Variants in PDE4D observed in about 807,000 individuals in gnomAD.
PDE4D encodes 3',5'-cyclic-AMP phosphodiesterase 4D.
A neutral mutation model predicts 87.4 loss-of-function variants in PDE4D; 24 were observed. The observed-to-expected ratio is 0.27, with a 90% confidence interval of 0.20 to 0.39. PDE4D has a LOEUF of 0.39. Among genes scored for constraint, PDE4D ranks in the 10% least tolerant of loss-of-function variants. The pLI is 1.00. For synonymous variants in PDE4D, 384 were observed against 383.2 expected (o/e 1.00, Z -0.02); for missense variants, 714 against 1,041.0 (o/e 0.69, Z 4.32).
chr5:60,242,292 A>T (rs1057263087), intron 1 of PDE4D, among the ~76,000 whole-genome samples: 1 of 152,180 alleles, frequency 6.6e-6, no homozygotes, highest in South Asian at 2.1e-4. Flanking sequence ...AATTATAAAT[A>T]GGTGTAACCA....
chr5:59,990,546 A>C (rs1366540898), intron 2 of PDE4D, among the ~76,000 whole-genome samples: 7 of 152,256 alleles, frequency 4.6e-5, no homozygotes, highest in African/African-American at 1.7e-4. Context: ...AACAAACAAA[A>C]AAAAAGAGGT....
intron 1 of PDE4D, among the ~76,000 whole-genome samples, chr5:59,755,691 AT>A (rs1761117082): frequency 1.3e-5 from 2 of 152,160 alleles, no homozygotes. Flanking sequence ...CATAAAAAAA[AT>A]CACACTGCAC....
At chr5:60,344,351 AGTTT>A (rs1758561942) in intron 1 of PDE4D, among the ~76,000 whole-genome samples, 5 of 151,976 alleles carry the variant, frequency 3.3e-5, no homozygotes, top group Admixed American at 3.3e-4. Context: ...TCTATTCGTT[AGTTT>A]TGGTTCTTGA....
intron 1 of PDE4D, chr5:59,430,503 T>C (rs940729685): frequency 3.2e-5 from 34 of 1,078,074 alleles, no homozygotes; most frequent in East Asian, 6.5e-5. Context: ...TGTCAGATAA[T>C]AGATTTCAGA....
rs1178414436 is a variant in PDE4D at position 59,087,507 on chromosome 5, G to GA, written c.809-48537dup. On this transcript the variant is annotated intron_variant, in intron 5 of 14. Transcript: ENST00000340635. ...TCAATAAATAAATAAGACCACAAAG[G>GA]AAAAAAATTCTTACAGAGAATTATT... is the stretch of plus-strand genomic sequence containing the variant. Among the ~76,000 whole-genome samples the GA allele has an allele frequency of 2.0e-5, 3 of 151,622 alleles. No individual in the cohort carries two copies. The East Asian group carries it at 5.8e-4, about 29-fold the overall frequency.
At chr5:59,809,549 A>G (rs1279909255) in intron 1 of PDE4D, among the ~76,000 whole-genome samples, 1 of 152,138 alleles carries the variant, frequency 6.6e-6, no homozygotes, top group African/African-American at 2.4e-5. Context: ...TATTTTCTCA[A>G]TTTCAGCAAA....
intron 1 of PDE4D, among the ~76,000 whole-genome samples, chr5:60,477,726 T>C (rs1394608661): frequency 1.3e-5 from 2 of 152,200 alleles, no homozygotes; most frequent in African/African-American, 4.8e-5. Context: ...TGCATGTGTG[T>C]TGCCAACTAC....
intron 1 of PDE4D, chr5:60,372,653 C>G (rs1168647213): frequency 6.6e-6 from 1 of 152,192 alleles, no homozygotes; most frequent in African/African-American, 2.4e-5. Context: ...TCTCTAAAAC[C>G]TGTAATCACT....
At chr5:59,211,262 T>C (rs867290869) in intron 2 of PDE4D, among the ~76,000 whole-genome samples, 2 of 152,222 alleles carry the variant, frequency 1.3e-5, no homozygotes, top group African/African-American at 4.8e-5. Context: ...CTGCATCATC[T>C]ATATTTAACA....
chr5:60,159,065 T>C (rs995310117), intron 2 of PDE4D, among the ~76,000 whole-genome samples: 2 of 152,234 alleles, frequency 1.3e-5, no homozygotes, highest in Non-Finnish European at 2.9e-5. Context: ...CTGTAAGTTT[T>C]TTCTAGCTTT....
At chr5:60,496,407 C>CT (rs1749816556) in intron 1 of PDE4D, among the ~76,000 whole-genome samples, 1 of 152,138 alleles carries the variant, frequency 6.6e-6, no homozygotes, top group African/African-American at 2.4e-5. Context: ...AAAACAATGA[C>CT]TCAATATGGT....
intron 1 of PDE4D, among the ~76,000 whole-genome samples, chr5:59,652,839 G>GA (rs1450206457): frequency 6.6e-6 from 1 of 151,494 alleles, no homozygotes; most frequent in East Asian, 1.9e-4. Flanking sequence ...GAAACTGTCA[G>GA]AAATATAAAT....
At chr5:59,681,371 T>G (rs1472079328) in intron 1 of PDE4D, among the ~76,000 whole-genome samples, 2 of 152,114 alleles carry the variant, frequency 1.3e-5, no homozygotes, top group Non-Finnish European at 2.9e-5. Flanking sequence ...AGAAACATTT[T>G]TATGCATAAT....
intron 1 of PDE4D, among the ~76,000 whole-genome samples, chr5:60,461,320 G>C (rs1583839929): frequency 6.6e-6 from 1 of 152,066 alleles, no homozygotes; most frequent in Non-Finnish European, 1.5e-5. Flanking sequence ...TTATACTCTT[G>C]GTGAAATTTA....
intron 1 of PDE4D, among the ~76,000 whole-genome samples, chr5:59,261,189 G>C (rs1373200120): frequency 3.3e-5 from 5 of 151,770 alleles, no homozygotes. Context: ...TTAAGGGCAG[G>C]CCTTTTAACT....
chr5:60,497,394 T>G (rs1037059301), intron 1 of PDE4D, among the ~76,000 whole-genome samples: 1 of 150,984 alleles, frequency 6.6e-6, no homozygotes, highest in East Asian at 1.9e-4. Flanking sequence ...TTTGTCTTTC[T>G]TTTTTTTTGT....
At chr5:60,264,402 C>A (rs528186650) in intron 1 of PDE4D, among the ~76,000 whole-genome samples, 2 of 152,298 alleles carry the variant, frequency 1.3e-5, no homozygotes, top group South Asian at 4.2e-4. Context: ...TAGCTATAGC[C>A]AAAACAATCA....
At chr5:59,542,282 C>T (rs986137669) in intron 1 of PDE4D, among the ~76,000 whole-genome samples, 17 of 152,118 alleles carry the variant, frequency 1.1e-4, no homozygotes, top group African/African-American at 4.1e-4. Flanking sequence ...ATCTTAAGTT[C>T]ATTTTCAGGG....
chr5:60,292,779 A>G (rs1231525164), intron 1 of PDE4D, among the ~76,000 whole-genome samples: 1 of 152,216 alleles, frequency 6.6e-6, no homozygotes, highest in East Asian at 1.9e-4. Flanking sequence ...GGTACTGTCA[A>G]CGAATTGAGT....
Sources: gnomAD v4.1 joint callset for allele counts (sites outside exome capture counted in the v4.1 genomes callset) on GRCh38, gnomAD v4.1.1 for gene constraint, MANE v1.5 for transcripts, NCBI Gene and HGNC (gene_info 2026-07-23, HGNC 2026-07-21) for gene names.